The following PUDP variants were observed in gnomAD, a reference collection of about 807,000 sequenced individuals.
PUDP encodes the protein pseudouridine 5'-phosphatase.
Under a neutral mutation model 9.4 loss-of-function variants are expected in PUDP, and 8 were observed. The observed-to-expected ratio is 0.85, with a 90% confidence interval of 0.50 to 1.53. The LOEUF is 1.53. Among genes scored for constraint, PUDP ranks in the 40% most tolerant of loss-of-function variants. The probability of loss-of-function intolerance (pLI) is 0.00; values close to 1 mark genes in which losing one functional copy is unlikely to be tolerated. For synonymous variants in PUDP, 99 were observed against 80.7 expected (o/e 1.23, Z -1.22); for missense variants, 188 against 189.7 (o/e 0.99, Z 0.05).
chrX:6,967,336 G>A (rs1161470293), intron 3 of PUDP, among the ~76,000 whole-genome samples: 1 of 111,429 alleles, frequency 9.0e-6, no homozygotes, highest in African/African-American at 3.3e-5. Flanking sequence ...TTTCTTGCCT[G>A]AAGACATCAG....
chrX:6,962,397 T>C (rs144763656), intron 3 of PUDP, among the ~76,000 whole-genome samples: 3,455 of 104,273 alleles, frequency 0.033, 66 homozygotes, highest in African/African-American at 0.074. Context: ...ATCCCTTATA[T>C]TCTGTCTAGT....
intron 3 of PUDP, among the ~76,000 whole-genome samples, chrX:6,810,475 C>A (rs777889751): frequency 9.0e-6 from 1 of 111,642 alleles, no homozygotes; most frequent in Non-Finnish European, 1.9e-5. Context: ...GAGTGGAGTG[C>A]ATTTCACTGA....
At chrX:6,873,849 A>G (rs757426690) in intron 3 of PUDP, among the ~76,000 whole-genome samples, 12 of 112,389 alleles carry the variant, frequency 1.1e-4, no homozygotes, top group African/African-American at 3.9e-4. Flanking sequence ...TCCATTAAGC[A>G]AAAACACTAA....
chrX:6,763,929 C>T (rs556117727), intron 3 of PUDP, among the ~76,000 whole-genome samples: 1 of 112,017 alleles, frequency 8.9e-6, no homozygotes, highest in South Asian at 3.7e-4. Flanking sequence ...ATGTTTTCAA[C>T]CAAGAAACAA....
chrX:6,784,120 C>G (rs996776497), intron 3 of PUDP, among the ~76,000 whole-genome samples: 4 of 111,701 alleles, frequency 3.6e-5, no homozygotes, highest in Non-Finnish European at 5.6e-5. Context: ...CTGGGCATCT[C>G]TTAGCCCAGT....
chrX:7,134,093 G>A (rs1444496030), intron 1 of PUDP, among the ~76,000 whole-genome samples: 6 of 111,969 alleles, frequency 5.4e-5, no homozygotes, highest in African/African-American at 1.9e-4. Flanking sequence ...AACCATACTC[G>A]GGGACACAGA....
intron 3 of PUDP, among the ~76,000 whole-genome samples, chrX:6,821,204 C>T (rs780950484): frequency 7.2e-5 from 8 of 111,472 alleles, no homozygotes; most frequent in Non-Finnish European, 1.1e-4. Context: ...ATGTAAGTCA[C>T]ATAGAACTGG....
chrX:7,016,165 T>C (rs986688642), intron 1 of PUDP, among the ~76,000 whole-genome samples: 4 of 107,986 alleles, frequency 3.7e-5, no homozygotes, highest in Non-Finnish European at 5.7e-5. Flanking sequence ...ACTCCATCTC[T>C]GCAAAAAATT....
intron 3 of PUDP, among the ~76,000 whole-genome samples, chrX:7,072,829 A>AAC (rs1382563232): frequency 9.1e-6 from 1 of 109,548 alleles, no homozygotes; most frequent in African/African-American, 3.3e-5. Context: ...AAAAAAAAAA[A>AAC]AACAAAACTG....
chrX:7,133,074 G>A (rs1932659594), intron 1 of PUDP, among the ~76,000 whole-genome samples: 1 of 112,279 alleles, frequency 8.9e-6, no homozygotes. Flanking sequence ...ATTGAAGACT[G>A]GAAGATAACT....
chrX:6,906,522 C>T (rs765176751), intron 3 of PUDP, among the ~76,000 whole-genome samples: 1 of 112,179 alleles, frequency 8.9e-6, no homozygotes, highest in Non-Finnish European at 1.9e-5. Flanking sequence ...CGCTTCTTGT[C>T]GAGAATCATC....
chrX:6,811,154 A>G (rs896915432), intron 3 of PUDP, among the ~76,000 whole-genome samples: 13 of 111,462 alleles, frequency 1.2e-4, no homozygotes, highest in African/African-American at 4.2e-4. Flanking sequence ...TAACCTATAA[A>G]TGGTTCAGAT....
At chrX:6,734,634 C>T (rs1924852292) in intron 3 of PUDP, among the ~76,000 whole-genome samples, 1 of 111,069 alleles carries the variant, frequency 9.0e-6, no homozygotes, top group Non-Finnish European at 1.9e-5. Context: ...TAGTGGTGTG[C>T]GCCTGTAGTC....
intron 3 of PUDP, among the ~76,000 whole-genome samples, chrX:6,876,748 C>CAT (rs200825241): frequency 0.092 from 9,897 of 107,690 alleles, 594 homozygotes; most frequent in East Asian, 0.46. Flanking sequence ...TGCATGTATG[C>CAT]ATGTTTGTGT....
At chrX:6,971,034 G>C (rs1422569018) in intron 3 of PUDP, among the ~76,000 whole-genome samples, 4 of 110,495 alleles carry the variant, frequency 3.6e-5, no homozygotes, top group Non-Finnish European at 7.6e-5. Context: ...CTGGGTGATA[G>C]AGCAAGACTC....
At chrX:6,737,862 C>T (rs954027295) in intron 3 of PUDP, among the ~76,000 whole-genome samples, 1 of 111,390 alleles carries the variant, frequency 9.0e-6, no homozygotes, top group Non-Finnish European at 1.9e-5. Context: ...ACCTTGAGGG[C>T]TTTGTGCTGT....
intron 3 of PUDP, among the ~76,000 whole-genome samples, chrX:7,059,839 A>G (rs1293395250): frequency 8.9e-6 from 1 of 112,142 alleles, no homozygotes; most frequent in Admixed American, 9.5e-5. Context: ...GCATAAAGAG[A>G]GTGCCTTTGC....
At chrX:6,912,063 T>C (rs1303668814) in intron 3 of PUDP, among the ~76,000 whole-genome samples, 1 of 111,964 alleles carries the variant, frequency 8.9e-6, no homozygotes, top group Non-Finnish European at 1.9e-5. Context: ...TTTTTGAAGT[T>C]ATGGGTCAAA....
chrX:6,945,844 C>T (rs937308676), intron 3 of PUDP, among the ~76,000 whole-genome samples: 1 of 111,243 alleles, frequency 9.0e-6, no homozygotes, highest in Non-Finnish European at 1.9e-5. Flanking sequence ...ATTCTAAGCC[C>T]CACAACTGAC....
Sources: gnomAD v4.1 joint callset for allele counts (sites outside exome capture counted in the v4.1 genomes callset) on GRCh38, gnomAD v4.1.1 for gene constraint, MANE v1.5 for transcripts, NCBI Gene and HGNC (gene_info 2026-07-23, HGNC 2026-07-21) for gene names.